The following KIRREL3 variants were observed in gnomAD, a reference collection of about 807,000 sequenced individuals.
The protein encoded by KIRREL3 is kin of IRRE-like protein 3.
Under a neutral mutation model 89.7 loss-of-function variants are expected in KIRREL3, and 36 were observed. That is an observed-to-expected ratio of 0.40 (90% CI 0.31 to 0.53). KIRREL3 has a LOEUF of 0.53. Among genes scored for constraint, KIRREL3 ranks in the 20% least tolerant of loss-of-function variants. The pLI, the probability that KIRREL3 is intolerant of heterozygous loss-of-function variation, is 0.49. For synonymous variants in KIRREL3, 445 were observed against 441.4 expected, an observed-to-expected ratio of 1.01 and a Z score of -0.10; for missense variants, 864 against 1,056.6, an observed-to-expected ratio of 0.82 and a Z score of 2.53.
intron 1 of KIRREL3, among the ~76,000 whole-genome samples, chr11:126,789,782 C>T (rs778055653): frequency 4.3e-4 from 66 of 152,230 alleles, no homozygotes; most frequent in Non-Finnish European, 8.7e-4. Context: ...CTTCCAGCCC[C>T]TTCCCAGTCT....
At position 126,710,008 on chromosome 11, in the gene KIRREL3, C is replaced by T. The variant is rs537050213; in HGVS notation, c.56-147096G>A. 2.2e-4 allele frequency among the ~76,000 whole-genome samples: 34 copies of T among 152,336 alleles called. No individual in the cohort carries two copies. Among genetic ancestry groups the T allele is most frequent in the African/African-American group, 7.7e-4 (32 of 41,572 alleles). ...TTACACATGCCCTGCCAGGAAGTTA[C>T]TGTCACAGCCATTTTAGAGATATAA... On this transcript the variant is annotated intron_variant, in intron 1 of 16. Coordinates refer to ENST00000525144, the MANE Select transcript of KIRREL3 (RefSeq NM_032531.4). The surrounding 1 kb of genome is among the most constrained non-coding windows in gnomAD (Gnocchi z 4.2).
At chr11:126,923,129 C>CTCCTTCTCCTTCTCCT (rs1246765425) in intron 1 of KIRREL3, among the ~76,000 whole-genome samples, 1 of 25,732 alleles carries the variant, frequency 3.9e-5, no homozygotes, top group Non-Finnish European at 7.8e-5. Context: ...TCTCCTTCTT[C>CTCCTTCTCCTTCTCCT]TCTTCTTCTT....
At chr11:126,832,865 C>A (rs187176123) in intron 1 of KIRREL3, among the ~76,000 whole-genome samples, 1 of 152,282 alleles carries the variant, frequency 6.6e-6, no homozygotes, top group Admixed American at 6.5e-5. Flanking sequence ...GTTTGGTGTG[C>A]AGACGGCATA....
chr11:126,894,801 C>T (rs1259728226), intron 1 of KIRREL3, among the ~76,000 whole-genome samples: 4 of 151,890 alleles, frequency 2.6e-5, no homozygotes, highest in Non-Finnish European at 5.9e-5. Context: ...GCTCCAGATG[C>T]TATGAAGGAA....
At chr11:126,779,135 A>G (rs2134322417) in intron 1 of KIRREL3, among the ~76,000 whole-genome samples, 1 of 152,334 alleles carries the variant, frequency 6.6e-6, no homozygotes, top group African/African-American at 2.4e-5. Context: ...AAAATGTAAG[A>G]TGGAGCATGT....
Position 126,709,714 on chromosome 11 carries a change from C to G in KIRREL3, c.56-146802G>C, listed in dbSNP as rs979471534. 6.6e-6 allele frequency among the ~76,000 whole-genome samples: 1 copy of G among 152,152 alleles called. No homozygotes were observed. The highest frequency in any genetic ancestry group is 2.4e-5 in the African/African-American group (1 of 41,420). ...AAGGGGAGGCCTCGGGAGAAACCAA[C>G]CCTGTAGACACCTCCATCTCAGACC... On this transcript the variant is annotated intron_variant, in intron 1 of 16. Coordinates refer to ENST00000525144, the MANE Select transcript of KIRREL3 (RefSeq NM_032531.4). This position sits in a 1 kb window ranked among gnomAD's most constrained non-coding sequence, Gnocchi z 4.0.
chr11:126,431,578 TC>T lies in KIRREL3; in HGVS notation c.1589-53del, dbSNP rs1163030718. 2.4e-5 allele frequency: 38 copies of T among 1,558,170 alleles called. No individual in the cohort carries two copies. The highest frequency in any genetic ancestry group is 3.2e-5 in the Non-Finnish European group (36 of 1,138,758). On this transcript the variant is annotated intron_variant, in intron 13 of 16. Coordinates refer to ENST00000525144, the MANE Select transcript of KIRREL3 (RefSeq NM_032531.4). The surrounding 1 kb of genome is among the most constrained non-coding windows in gnomAD (Gnocchi z 7.1). ...ATGACGGATGGGGAATGGCCTACTATCCCCCCATGATCTCACCCCGTTCCTG... is the reference window on the plus strand; with the variant it reads ...ATGACGGATGGGGAATGGCCTACTATCCCCCATGATCTCACCCCGTTCCTG...
chr11:126,658,739 C>A (rs955601632), intron 1 of KIRREL3, among the ~76,000 whole-genome samples: 8 of 152,150 alleles, frequency 5.3e-5, no homozygotes, highest in Admixed American at 4.6e-4. Flanking sequence ...GGCTTTTCTT[C>A]CACTTCCTGC....
rs966077078 is a variant in KIRREL3, at chr11:126,427,976, G to A, written c.1806+1203C>T. Among the ~76,000 whole-genome samples the A allele has an allele frequency of 6.6e-6, 1 of 152,140 alleles. No individual in the cohort carries two copies. Among genetic ancestry groups the A allele is most frequent in the African/African-American group, 2.4e-5 (1 of 41,414 alleles). On this transcript the variant is annotated intron_variant, in intron 15 of 16. Transcript: ENST00000525144. This position sits in a 1 kb window ranked among gnomAD's most constrained non-coding sequence, Gnocchi z 5.3. ...TGAAAATCAATTGGAGAGAGAAAGC[G>A]TAGCCGAGGGAAAAGTCAGTTTGAT...
At position 126,485,057 on chromosome 11, in the gene KIRREL3, T is replaced by C. The variant is rs1401186359; in HGVS notation, c.434-11591A>G. Among the ~76,000 whole-genome samples the C allele has an allele frequency of 6.6e-6, 1 of 152,102 alleles. No individual in the cohort carries two copies. Among genetic ancestry groups the C allele is most frequent in the African/African-American group, 2.4e-5 (1 of 41,436 alleles). On this transcript the variant is annotated intron_variant, in intron 4 of 16. Transcript: ENST00000525144. The surrounding 1 kb of genome is among the most constrained non-coding windows in gnomAD (Gnocchi z 5.8). ...CTGGTCTCAAACGCCTGACCTCAGG[T>C]GATCCGCCCACCTTAGCCTCCAAAG... is the stretch of plus-strand genomic sequence containing the variant.
chr11:126,795,851 A>T lies in KIRREL3; in HGVS notation c.55+204604T>A, dbSNP rs1249778818. Among the ~76,000 whole-genome samples the T allele has an allele frequency of 6.6e-6, 1 of 152,150 alleles. No homozygotes were observed. The highest frequency in any genetic ancestry group is 6.5e-5 in the Admixed American group (1 of 15,284). Reference sequence around the variant, plus strand: ...GCGTACATCAGCTCTTTGGAGGGGCATGTAGATACCCCATGCCAGGCCAGC... The same window carrying T: ...GCGTACATCAGCTCTTTGGAGGGGCTTGTAGATACCCCATGCCAGGCCAGC... On this transcript the variant is annotated intron_variant, in intron 1 of 16. Transcript: ENST00000525144. The surrounding 1 kb of genome is among the most constrained non-coding windows in gnomAD (Gnocchi z 4.1).
intron 1 of KIRREL3, among the ~76,000 whole-genome samples, chr11:126,826,393 C>G (rs1943414208): frequency 6.6e-6 from 1 of 152,184 alleles, no homozygotes; most frequent in Non-Finnish European, 1.5e-5. Flanking sequence ...TCCTTGATTT[C>G]CCATATGACC....
intron 1 of KIRREL3, among the ~76,000 whole-genome samples, chr11:126,730,568 C>T (rs1467025601): frequency 6.6e-6 from 1 of 152,142 alleles, no homozygotes; most frequent in Non-Finnish European, 1.5e-5. Flanking sequence ...CGTCCAGGGA[C>T]AATTTCTGAT....
intron 1 of KIRREL3, among the ~76,000 whole-genome samples, chr11:126,852,075 A>G (rs1166845700): frequency 7.6e-6 from 1 of 131,468 alleles, no homozygotes; most frequent in East Asian, 2.1e-4. Flanking sequence ...TTTTTTTGAG[A>G]CAGAGTCTAG....
At chr11:126,447,945 C>T (rs1234363523) in intron 8 of KIRREL3, among the ~76,000 whole-genome samples, 1 of 152,192 alleles carries the variant, frequency 6.6e-6, no homozygotes, top group East Asian at 1.9e-4. Flanking sequence ...CCAGCTAGTC[C>T]ATGGCAGTGC....
chr11:126,923,950 A>G (rs1257935719), intron 1 of KIRREL3, among the ~76,000 whole-genome samples: 3 of 152,172 alleles, frequency 2.0e-5, no homozygotes, highest in Non-Finnish European at 4.4e-5. Context: ...TTTTCTTCAC[A>G]TGATCCTGAT....
chr11:126,713,915 C>T (rs1049863760), intron 1 of KIRREL3, among the ~76,000 whole-genome samples: 3 of 152,144 alleles, frequency 2.0e-5, no homozygotes, highest in Non-Finnish European at 4.4e-5. Context: ...AAAGACCAGT[C>T]TGGCTAGATA....
rs748359750 is a variant in KIRREL3 at position 126,624,401 on chromosome 11, A to T, written c.56-61489T>A. Among the ~76,000 whole-genome samples, 1 of 152,194 alleles carries T rather than the reference A, an allele frequency of 6.6e-6. No homozygotes were observed. The highest frequency in any genetic ancestry group is 2.4e-5 in the African/African-American group (1 of 41,448). On this transcript the variant is annotated intron_variant, in intron 1 of 16. Coordinates refer to ENST00000525144, the MANE Select transcript of KIRREL3 (RefSeq NM_032531.4). This position sits in a 1 kb window ranked among gnomAD's most constrained non-coding sequence, Gnocchi z 6.0. ...AGAACACGAAGCATGAATCACTTAC[A>T]CCAGAGATGAGAAAAGCACCATCAG... is the stretch of plus-strand genomic sequence containing the variant.
chr11:126,863,356 A>AGTGTGTGTTTGAGTGTGT (rs1565362471), intron 1 of KIRREL3, among the ~76,000 whole-genome samples: 1 of 104,686 alleles, frequency 9.6e-6, no homozygotes, highest in African/African-American at 3.1e-5. Context: ...GGTGCATGTG[A>AGTGTGTGTTTGAGTGTGT]GTGTGTGTTT....
Sources: gnomAD v4.1 joint callset for allele counts (sites outside exome capture counted in the v4.1 genomes callset) on GRCh38, gnomAD v4.1.1 for gene constraint, Gnocchi (gnomAD v3.1) non-coding constraint, MANE v1.5 for transcripts, NCBI Gene and HGNC (gene_info 2026-07-23, HGNC 2026-07-21) for gene names.